Variants in RIMS1 observed in about 807,000 individuals in gnomAD.
RIMS1 encodes regulating synaptic membrane exocytosis 1.
RIMS1 carries 83 observed loss-of-function variants against 214.1 expected under a neutral mutation model. The ratio of observed to expected loss-of-function variants is 0.39; its 90% confidence interval spans 0.32 to 0.47. The LOEUF (loss-of-function observed/expected upper bound fraction) is 0.47. Among genes scored for constraint, RIMS1 ranks in the 20% least tolerant of loss-of-function variants. RIMS1 has a pLI of 0.99. For synonymous variants in RIMS1, 793 were observed against 786.8 expected, an observed-to-expected ratio of 1.01 and a Z score of -0.13; for missense variants, 2,050 against 2,161.8, an observed-to-expected ratio of 0.95 and a Z score of 1.03.
chr6:72,203,445 A>G (rs2052384317), intron 6 of RIMS1, among the ~76,000 whole-genome samples: 1 of 152,186 alleles, frequency 6.6e-6, no homozygotes, highest in Non-Finnish European at 1.5e-5. Flanking sequence ...GACTGGCATG[A>G]AGAAGGAAAG....
intron 2 of RIMS1, among the ~76,000 whole-genome samples, chr6:72,019,956 A>C (rs1291976278): frequency 2.0e-5 from 3 of 152,176 alleles, no homozygotes; most frequent in Admixed American, 6.5e-5. Context: ...AAGCTATACC[A>C]GATATTCTAT....
chr6:72,071,705 A>G (rs983627137), intron 2 of RIMS1, among the ~76,000 whole-genome samples: 1 of 152,216 alleles, frequency 6.6e-6, no homozygotes, highest in African/African-American at 2.4e-5. Context: ...AAATAGAAGT[A>G]TAGAATATAA....
chr6:72,400,463 T>A lies in RIMS1; in HGVS notation c.4861-33T>A, dbSNP rs764020628. 58 of 1,577,568 alleles carry A rather than the reference T, an allele frequency of 3.7e-5. No individual in the cohort carries two copies. The East Asian group carries it at 1.3e-3, about 35-fold the overall frequency. On this transcript the variant is annotated intron_variant, in intron 33 of 33. Transcript: ENST00000521978. ...CCTTCGAATGTGAAGCAGAGAGAAG[T>A]CCAGGTAATGTTGCATTTCTCTATC...
chr6:72,332,540 TG>T (rs1189937142), intron 28 of RIMS1, among the ~76,000 whole-genome samples: 3 of 37,900 alleles, frequency 7.9e-5, no homozygotes, highest in Non-Finnish European at 1.4e-4. Context: ...TGTTGTGGGG[TG>T]GGGGGAGGGG....
rs764623393 is a variant in RIMS1 at position 72,264,971 on chromosome 6, C to T, written c.3117-4C>T. 1 of 1,575,032 alleles carries T rather than the reference C, an allele frequency of 6.3e-7. No individual in the cohort carries two copies. The highest frequency in any genetic ancestry group is 8.7e-7 in the Non-Finnish European group (1 of 1,154,984). On this transcript the variant is annotated splice_polypyrimidine_tract_variant and splice_region_variant and intron_variant, in intron 19 of 33. Coordinates refer to ENST00000521978, the MANE Select transcript of RIMS1 (RefSeq NM_014989.7). Reference sequence around the variant, plus strand: ...TCCTGCGTGTTTGTGTTGCTACGTTCCAGACATCTTGTTAGGCACTATAAA... The same window carrying T: ...TCCTGCGTGTTTGTGTTGCTACGTTTCAGACATCTTGTTAGGCACTATAAA...
At chr6:72,322,683 A>T (rs1390108201) in intron 28 of RIMS1, among the ~76,000 whole-genome samples, 1 of 152,054 alleles carries the variant, frequency 6.6e-6, no homozygotes, top group Non-Finnish European at 1.5e-5. Context: ...AATTTTTGAA[A>T]GGAGGGGAAA....
At chr6:72,063,117 A>G (rs1828351416) in intron 2 of RIMS1, among the ~76,000 whole-genome samples, 1 of 152,182 alleles carries the variant, frequency 6.6e-6, no homozygotes, top group Non-Finnish European at 1.5e-5. Context: ...ATTCCAGGAA[A>G]ACAACACTGA....
intron 1 of RIMS1, among the ~76,000 whole-genome samples, chr6:71,950,382 A>AT (rs1789091374): frequency 2.0e-5 from 3 of 152,160 alleles, no homozygotes; most frequent in Admixed American, 2.0e-4. Flanking sequence ...AATCTGAAAA[A>AT]AAAAGCAGTT....
At position 72,398,917 on chromosome 6, in the gene RIMS1, A is replaced by C. The variant is rs756877195; in HGVS notation, c.4721-38A>C. The C allele has an allele frequency of 2.6e-5, 34 of 1,290,438 alleles. No homozygotes were observed. In the South Asian group the frequency reaches 3.9e-4, roughly 15 times the overall value. 79.9% of individuals were successfully genotyped at this position (1,290,438 alleles called of 1,614,324 possible). The stretch of plus-strand genomic sequence containing the variant: ...CTAATTAAAAAAATAGTTGAATTTA[A>C]GGAATAATTTCTTATATGTTAATAT... On this transcript the variant is annotated intron_variant, in intron 32 of 33. Transcript: ENST00000521978.
At chr6:72,007,300 C>T (rs902472340) in intron 2 of RIMS1, among the ~76,000 whole-genome samples, 6 of 152,140 alleles carry the variant, frequency 3.9e-5, no homozygotes, top group Non-Finnish European at 8.8e-5. Flanking sequence ...ACAGAAAGGA[C>T]ATCCACACCA....
intron 2 of RIMS1, among the ~76,000 whole-genome samples, chr6:72,088,214 T>C (rs897692464): frequency 1.4e-5 from 2 of 143,292 alleles, no homozygotes; most frequent in Non-Finnish European, 3.0e-5. Context: ...TTTTATTTAT[T>C]TACTTTATTT....
chr6:72,319,832 A>G (rs1593311638), intron 28 of RIMS1, among the ~76,000 whole-genome samples: 1 of 152,202 alleles, frequency 6.6e-6, no homozygotes, highest in East Asian at 1.9e-4. Flanking sequence ...TATTAAATGT[A>G]TATTCATCTG....
At chr6:72,286,775 T>G (rs1342255432) in intron 24 of RIMS1, among the ~76,000 whole-genome samples, 3 of 152,200 alleles carry the variant, frequency 2.0e-5, no homozygotes, top group African/African-American at 7.2e-5. Context: ...CTTTGAGAGT[T>G]GATAACTTCC....
At chr6:72,383,454 C>T (rs139734491) in intron 29 of RIMS1, among the ~76,000 whole-genome samples, 9 of 151,598 alleles carry the variant, frequency 5.9e-5, no homozygotes, top group East Asian at 5.8e-4. Context: ...GTTCTCACTG[C>T]GGTTCCACAA....
intron 2 of RIMS1, among the ~76,000 whole-genome samples, chr6:71,977,292 C>T (rs1346732880): frequency 2.6e-5 from 4 of 152,034 alleles, no homozygotes; most frequent in East Asian, 1.9e-4. Context: ...GAGAAGATAG[C>T]GTTAAAAGGA....
chr6:72,206,042 T>A (rs920795362), intron 6 of RIMS1, among the ~76,000 whole-genome samples: 13 of 152,182 alleles, frequency 8.5e-5, no homozygotes, highest in African/African-American at 3.1e-4. Flanking sequence ...ACTTATATTT[T>A]TTTCTGTTGT....
At chr6:72,205,617 A>G (rs1735852651) in intron 6 of RIMS1, among the ~76,000 whole-genome samples, 1 of 152,194 alleles carries the variant, frequency 6.6e-6, no homozygotes, top group Non-Finnish European at 1.5e-5. Context: ...CTGTAACCCA[A>G]ATAATGAGTC....
intron 2 of RIMS1, among the ~76,000 whole-genome samples, chr6:71,985,685 ATT>A (rs1053320449): frequency 3.3e-5 from 5 of 152,040 alleles, no homozygotes; most frequent in Non-Finnish European, 2.9e-5. Context: ...TTCTGTTTTT[ATT>A]TAGTTAGTTT....
rs2048552550 is a variant in RIMS1 at position 72,182,804 on chromosome 6, A to G, written c.1333A>G (p.Thr445Ala). 3 of 1,548,622 alleles carry G rather than the reference A, an allele frequency of 1.9e-6. No homozygotes were observed. Among genetic ancestry groups the G allele is most frequent in the Non-Finnish European group, 2.6e-6 (3 of 1,150,364 alleles). Residue 445 changes from threonine (T) to alanine (A), a missense_variant, in exon 6 of 34, where the codon ACG (threonine) becomes GCG (alanine). Physicochemically the swap from Thr to Ala is moderately conservative, Grantham distance 58. Around this residue, in one of 6 missense-constraint regions of RIMS1, gnomAD observed 882 missense variants for 828.9 expected, o/e 1.06. Coordinates refer to ENST00000521978, the MANE Select transcript of RIMS1 (RefSeq NM_014989.7). ...ETRAPGAKQL[T>A]NHSPPAPRHG... ...CAGGGCGCCGGGCGCCAAGCAGCTA[A>G]CGAACCACAGCCCGCCGGCGCCCAG...
Sources: allele counts gnomAD v4.1 joint callset (sites outside exome capture counted in the v4.1 genomes callset), GRCh38; gene constraint gnomAD v4.1.1; regional missense constraint gnomAD v4.1.1; transcripts MANE v1.5; gene names NCBI Gene and HGNC (gene_info 2026-07-23, HGNC 2026-07-21).